FHL1: variants seen among roughly 807,000 people sequenced by gnomAD.
The protein encoded by FHL1 is four and a half LIM domains 1, also known as four and a half LIM domains protein 1.
A neutral mutation model predicts 20.3 loss-of-function variants in FHL1; 1 was observed. That is an observed-to-expected ratio of 0.05 (90% CI 0.02 to 0.23). The LOEUF (loss-of-function observed/expected upper bound fraction) is 0.23, where lower values mean the gene tolerates loss of function less well. FHL1 is among the 10% of genes least tolerant of loss of function. The pLI, the probability that FHL1 is intolerant of heterozygous loss-of-function variation, is 1.00. For missense variants in FHL1, 177 were observed against 234.0 expected (o/e 0.76, Z 1.59); for synonymous variants, 82 against 88.9 (o/e 0.92, Z 0.44).
intron 2 of FHL1, among the ~76,000 whole-genome samples, chrX:136,178,957 A>G (rs766044698): frequency 9.0e-5 from 10 of 110,825 alleles, no homozygotes; most frequent in Non-Finnish European, 1.7e-4. Context: ...GGGTTTCACC[A>G]TGTTGGCTAG....
intron 1 of FHL1, among the ~76,000 whole-genome samples, chrX:136,163,829 A>T (rs1348044082): frequency 8.9e-6 from 1 of 112,135 alleles, no homozygotes; most frequent in African/African-American, 3.2e-5. Flanking sequence ...CAGTCACCTC[A>T]AAAGCTACTC....
intron 1 of FHL1, among the ~76,000 whole-genome samples, chrX:136,197,627 G>A (rs1024906783): frequency 2.7e-5 from 3 of 112,634 alleles, no homozygotes; most frequent in African/African-American, 6.4e-5. Context: ...AAATCTTCCC[G>A]AAGTAACAGC....
At chrX:136,193,128 C>G (rs2073472179), upstream of FHL1, among the ~76,000 whole-genome samples, 1 of 108,760 alleles carries the variant, frequency 9.2e-6, no homozygotes, top group African/African-American at 3.3e-5. Flanking sequence ...GAGAAATCCA[C>G]AAAGACTCCA....
chrX:136,186,650 C>T (rs781424767), intron 2 of FHL1, among the ~76,000 whole-genome samples: 3 of 109,999 alleles, frequency 2.7e-5, no homozygotes, highest in Non-Finnish European at 5.7e-5. Flanking sequence ...GTCAGGAGTT[C>T]GAGAGCAGCC....
Position 136,207,171 on chromosome X carries a change from C to T in FHL1, c.360C>T (p.Cys120=), listed in dbSNP as rs1277704131. ...TREDSPKCKG[C]FKAIVAGDQN... ...AGGACTCCCCCAAGTGCAAGGGGTG[C>T]TTCAAGGCCATTGTGGCAGGTACTG... The change falls in exon 3 of 6, where the codon TGC becomes TGT. Residue 120 remains cysteine, a synonymous_variant. Coordinates refer to ENST00000370683, the MANE Select transcript of FHL1 (RefSeq NM_001159699.2). The T allele has an allele frequency of 8.3e-7, 1 of 1,205,535 alleles. No homozygotes were observed. The highest frequency in any genetic ancestry group is 1.7e-5 in the African/African-American group (1 of 57,871).
intron 2 of FHL1, among the ~76,000 whole-genome samples, chrX:136,175,261 G>T (rs756720786): frequency 6.2e-5 from 7 of 112,494 alleles, no homozygotes; most frequent in Non-Finnish European, 1.1e-4. Context: ...AAGCATATTT[G>T]AACGTCAGCA....
At chrX:136,204,052 A>G (rs904124211) in intron 1 of FHL1, among the ~76,000 whole-genome samples, 1 of 112,614 alleles carries the variant, frequency 8.9e-6, no homozygotes, top group Non-Finnish European at 1.9e-5. Flanking sequence ...AGAATGAGGG[A>G]TTTTCAAATA....
At chrX:136,161,857 T>C (rs1047294785) in intron 1 of FHL1, among the ~76,000 whole-genome samples, 10 of 111,930 alleles carry the variant, frequency 8.9e-5, no homozygotes, top group African/African-American at 2.9e-4. Context: ...GCGTGGTGGC[T>C]CATGCCTGTA....
At chrX:136,161,605 G>A (rs755322071) in intron 1 of FHL1, among the ~76,000 whole-genome samples, 11 of 111,946 alleles carry the variant, frequency 9.8e-5, no homozygotes, top group Non-Finnish European at 1.7e-4. Flanking sequence ...GGCCACATGC[G>A]TGCTGATATG....
upstream of FHL1, among the ~76,000 whole-genome samples, chrX:136,166,397 A>T (rs2050609207): frequency 9.0e-6 from 1 of 111,454 alleles, no homozygotes; most frequent in Non-Finnish European, 1.9e-5. Context: ...TGCCCTCTGG[A>T]GGGTGTCAGA....
At chrX:136,172,742 A>AT (rs936093064) in intron 2 of FHL1, among the ~76,000 whole-genome samples, 4 of 111,584 alleles carry the variant, frequency 3.6e-5, no homozygotes, top group African/African-American at 1.3e-4. Context: ...TTTATTTTTT[A>AT]TTTTTTTTGA....
chrX:136,193,640 G>A (rs1409675464), upstream of FHL1, among the ~76,000 whole-genome samples: 1 of 110,870 alleles, frequency 9.0e-6, no homozygotes, highest in East Asian at 2.8e-4. Flanking sequence ...GAGATCCTTG[G>A]CTCCTTCCCC....
At chrX:136,186,189 G>A (rs190645510) in intron 2 of FHL1, among the ~76,000 whole-genome samples, 1 of 111,504 alleles carries the variant, frequency 9.0e-6, no homozygotes, top group Non-Finnish European at 1.9e-5. Flanking sequence ...TCGGCGTTTT[G>A]CTGAGTTTAC....
At chrX:136,174,650 A>G (rs2072955018) in intron 2 of FHL1, among the ~76,000 whole-genome samples, 1 of 112,164 alleles carries the variant, frequency 8.9e-6, no homozygotes, top group Non-Finnish European at 1.9e-5. Context: ...TTCCCAGATA[A>G]ATCTGGATCT....
Position 136,208,091 on chromosome X carries a change from G to A in FHL1, c.549+130G>A, listed in dbSNP as rs2236003. 322,720 of 853,681 alleles carry A rather than the reference G, an allele frequency of 0.38. 43,726 individuals are homozygous for A. Among genetic ancestry groups the A allele is most frequent in the East Asian group, 0.44 (13,587 of 31,198 alleles). 70.4% of individuals were successfully genotyped at this position (853,681 alleles called of 1,213,427 possible). The stretch of plus-strand genomic sequence containing the variant: ...CTGTGACGTAGGAATTATTATTCCC[G>A]TTTTACAGATGAGGAGATCGTGGAT... On this transcript the variant is annotated intron_variant, in intron 4 of 5. Transcript: ENST00000370683.
Position 136,206,574 on chromosome X carries a change from G to A in FHL1, c.190G>A (p.Gly64Ser), listed in dbSNP as rs1467233713. The change falls in exon 2 of 6, where the codon GGT (glycine) becomes AGT (serine). Residue 64 changes from glycine to serine, a missense_variant. By Grantham distance (56) the Gly-to-Ser change is moderately conservative. Transcript: ENST00000370683. ...NTCVECRKPI[G>S]ADSKEVHYKN... Reference sequence around the variant, plus strand: ...CTGTGTGGAATGCCGCAAGCCCATCGGTGCGGACTCCAAGGTAACGGGCAT... The same window carrying A: ...CTGTGTGGAATGCCGCAAGCCCATCAGTGCGGACTCCAAGGTAACGGGCAT... 7 of 1,212,485 alleles carry A rather than the reference G, an allele frequency of 5.8e-6. No homozygotes were observed. The highest frequency in any genetic ancestry group is 3.0e-5 in the East Asian group (1 of 33,844).
At chrX:136,168,216 C>T (rs764233809), upstream of FHL1, 6 of 111,727 alleles carry the variant, frequency 5.4e-5, no homozygotes, top group African/African-American at 9.8e-5. Context: ...TCTGGTGCCC[C>T]TGCTGTGAAG....
chrX:136,205,326 A>T (rs1003839139), intron 1 of FHL1, among the ~76,000 whole-genome samples: 2 of 111,191 alleles, frequency 1.8e-5, no homozygotes, highest in Non-Finnish European at 3.8e-5. Context: ...GTTCATACGG[A>T]GGGAGTGGAA....
chrX:136,188,928 G>A (rs1359044715), intron 2 of FHL1, among the ~76,000 whole-genome samples: 3 of 111,513 alleles, frequency 2.7e-5, no homozygotes, highest in Non-Finnish European at 5.7e-5. Flanking sequence ...TTAGATCCAT[G>A]TCCTTGGCAT....
Sources: allele counts gnomAD v4.1 joint callset (sites outside exome capture counted in the v4.1 genomes callset), GRCh38; gene constraint gnomAD v4.1.1; transcripts MANE v1.5; gene names NCBI Gene and HGNC (gene_info 2026-07-23, HGNC 2026-07-21).